Variants in POLR2E observed in about 807,000 individuals in gnomAD.
POLR2E encodes the protein DNA-directed RNA polymerases I, II, and III subunit RPABC1.
A neutral mutation model predicts 29.8 loss-of-function variants in POLR2E; 35 were observed. That is an observed-to-expected ratio of 1.17 (90% CI 0.90 to 1.55). POLR2E has a LOEUF of 1.55. Ranked by LOEUF, POLR2E falls within the 40% of genes most tolerant of loss-of-function variation. POLR2E has a pLI of 0.00. For synonymous variants in POLR2E, 174 were observed against 112.6 expected, an observed-to-expected ratio of 1.55 and a Z score of -3.45; for missense variants, 287 against 288.6, an observed-to-expected ratio of 0.99 and a Z score of 0.04.
chr19:1,093,231 C>G (rs1484267810), intron 2 of POLR2E, among the ~76,000 whole-genome samples: 1 of 152,226 alleles, frequency 6.6e-6, no homozygotes, highest in Non-Finnish European at 1.5e-5. Context: ...GCAGCGTCAC[C>G]AGGTCCGGTT....
At chr19:1,090,044 G>T in intron 5 of POLR2E, 43 bp downstream of exon 5, 1 of 1,573,488 alleles carries the variant, frequency 6.4e-7, no homozygotes, top group African/African-American at 1.4e-5. Flanking sequence ...CGGAAGTCTC[G>T]AGGGACAGGG....
chr19:1,090,917 C>G lies in POLR2E; in HGVS notation c.420G>C (p.Thr140=), dbSNP rs777211351. The G allele has an allele frequency of 1.9e-6, 3 of 1,612,992 alleles. No individual in the cohort carries two copies. The highest frequency in any genetic ancestry group is 1.3e-5 in the African/African-American group (1 of 74,940). Residue 140 remains threonine (T), a synonymous_variant, in exon 4 of 8, where the codon ACG becomes ACC. Transcript: ENST00000615234. Reference sequence around the variant, plus strand: ...CGCGGCGCGCGCCCACCTCGTGCTCCGTGATGTTGATGAGCAGCTCCTGCT... The same window carrying G: ...CGCGGCGCGCGCCCACCTCGTGCTCGGTGATGTTGATGAGCAGCTCCTGCT... ...FLQQELLINI[T]EHELVPEHVV...
intron 7 of POLR2E, 111 bp downstream of exon 7, chr19:1,089,361 G>A (rs2043778501): frequency 4.1e-6 from 3 of 723,966 alleles, no homozygotes; most frequent in East Asian, 2.8e-5. Context: ...CTGGGCTGGT[G>A]CTAGGAGGGT....
rs779277090 is a variant in POLR2E at position 1,089,591 on chromosome 19, G to A, written c.568-40C>T. ...AGCAGGGGCTGCGAATGCTTGAGGG[G>A]TCTCACTGCAGTCACCAGACAGCAG... On this transcript the variant is annotated intron_variant, in intron 6 of 7. Coordinates refer to ENST00000615234, the MANE Select transcript of POLR2E (RefSeq NM_002695.5). 8 of 1,549,798 alleles carry A rather than the reference G, an allele frequency of 5.2e-6. No homozygotes were observed. In the South Asian group the frequency reaches 6.7e-5, roughly 13 times the overall value.
At position 1,090,139 on chromosome 19, in the gene POLR2E, G is replaced by A. The variant is rs1445652128; in HGVS notation, c.436C>T (p.Pro146Ser). 2 of 1,612,488 alleles carry A rather than the reference G, an allele frequency of 1.2e-6. No homozygotes were observed. The highest frequency in any genetic ancestry group is 1.7e-6 in the Non-Finnish European group (2 of 1,179,944). Residue 146 changes from proline (P) to serine (S), a missense_variant, in exon 5 of 8, where the codon CCT (proline) becomes TCT (serine). Physicochemically the swap from Pro to Ser is moderately conservative, Grantham distance 74. Coordinates refer to ENST00000615234, the MANE Select transcript of POLR2E (RefSeq NM_002695.5). ...TCCTTGGTCATGACGACGTGCTCAG[G>A]GACTAGCTGCCGAGAGAGGAAGCCA... ...LINITEHELV[P>S]EHVVMTKEEV...
intron 6 of POLR2E, 92 bp downstream of exon 6, chr19:1,089,792 G>T: frequency 9.3e-7 from 1 of 1,072,452 alleles, no homozygotes; most frequent in Non-Finnish European, 1.4e-6. Context: ...CCTGGATCAA[G>T]GGGGAGGGGC....
chr19:1,092,039 G>A (rs1388451224), intron 2 of POLR2E, 132 bp from the exon 3 acceptor site: 7 of 649,406 alleles, frequency 1.1e-5, no homozygotes, highest in Admixed American at 4.8e-5. Flanking sequence ...CGGCTTCCGC[G>A]TTTGCAAAAC....
At chr19:1,089,297 G>A (rs140465452) in intron 7 of POLR2E, among the ~76,000 whole-genome samples, 175 bp downstream of exon 7, 2,414 of 152,256 alleles carry the variant, frequency 0.016, 25 homozygotes, top group Middle Eastern at 0.031. Flanking sequence ...TGCAGCCTAC[G>A]GTCGGGTGGG....
At chr19:1,091,979 C>T in intron 2 of POLR2E, 72 bp from the exon 3 acceptor site, 1 of 1,052,996 alleles carries the variant, frequency 9.5e-7, no homozygotes, top group Non-Finnish European at 1.5e-6. Flanking sequence ...GAGCCCAGAG[C>T]ACCCAGGTTC....
chr19:1,091,499 G>A (rs941745763), intron 3 of POLR2E: 1 of 461,300 alleles, frequency 2.2e-6, no homozygotes, highest in Non-Finnish European at 4.0e-6. Flanking sequence ...CCGGCTCCTG[G>A]AATCTGCACC....
chr19:1,091,925 G>A lies in POLR2E; in HGVS notation c.233-18C>T. 2 of 1,565,886 alleles carry A rather than the reference G, an allele frequency of 1.3e-6. No individual in the cohort carries two copies. Among genetic ancestry groups the A allele is most frequent in the Non-Finnish European group, 1.8e-6 (2 of 1,138,344 alleles). On this transcript the variant is annotated intron_variant, in intron 2 of 7. Coordinates refer to ENST00000615234, the MANE Select transcript of POLR2E (RefSeq NM_002695.5). ...GGGCTCCTCTGCAGACAGAGAGTGT[G>A]CTGGCCTGCACGAGCCTGGGCCCTC...
Position 1,089,865 on chromosome 19 carries a change from T to TG in POLR2E, c.567+18_567+19insC, listed in dbSNP as rs538776497. On this transcript the variant is annotated intron_variant, in intron 6 of 7. Coordinates refer to ENST00000615234, the MANE Select transcript of POLR2E (RefSeq NM_002695.5). ...CAGCTCAGAGCAGCCCCAGGGCCCC[T>TG]TCTCCCCACAGGGCTCACCTGCCCA... 1.3e-4 allele frequency: 216 copies of TG among 1,600,360 alleles called. No individual in the cohort carries two copies. The African/African-American group carries it at 2.6e-3, about 19-fold the overall frequency.
chr19:1,093,719 A>G, intron 2 of POLR2E, 185 bp downstream of exon 2: 2 of 1,382,398 alleles, frequency 1.4e-6, no homozygotes, highest in Non-Finnish European at 1.9e-6. Context: ...AAAGAAGCTG[A>G]GCATGAGAGG....
rs1169130527 is a variant in POLR2E, at chr19:1,088,040, G to A, written c.*695C>T. On this transcript the variant is annotated 3_prime_UTR_variant, in exon 8 of 8. Coordinates refer to ENST00000615234, the MANE Select transcript of POLR2E (RefSeq NM_002695.5). ...CCCAGGAGCACGAAGTGGGAGGGCA[G>A]GGCGAGGGCCTGGGGAGACACTGAC... 3 of 151,710 alleles carry A rather than the reference G, an allele frequency of 2.0e-5. No individual in the cohort carries two copies. The highest frequency in any genetic ancestry group is 6.6e-5 in the Admixed American group (1 of 15,248). 9.4% of individuals were successfully genotyped at this position (151,710 alleles called of 1,614,324 possible).
At chr19:1,091,165 T>G (rs2043820549) in intron 3 of POLR2E, among the ~76,000 whole-genome samples, 177 bp from the exon 4 acceptor site, 1 of 152,176 alleles carries the variant, frequency 6.6e-6, no homozygotes, top group Non-Finnish European at 1.5e-5. Context: ...CCCCAGCCTC[T>G]CTGCTCATCG....
chr19:1,094,228 C>A (rs184582114), intron 1 of POLR2E, 150 bp from the exon 2 acceptor site: 4 of 661,390 alleles, frequency 6.0e-6, no homozygotes, highest in African/African-American at 1.8e-5. Flanking sequence ...TGACAGCCAC[C>A]CCGGCCCCCA....
chr19:1,088,875 C>T (rs1293714522), intron 7 of POLR2E, among the ~76,000 whole-genome samples, 155 bp from the exon 8 acceptor site: 1 of 151,266 alleles, frequency 6.6e-6, no homozygotes, highest in East Asian at 1.9e-4. Flanking sequence ...GCCCAGCGGT[C>T]ACACAGGCGT....
intron 6 of POLR2E, 116 bp downstream of exon 6, chr19:1,089,765 CGAG>C: frequency 1.1e-6 from 1 of 871,826 alleles, no homozygotes; most frequent in South Asian, 1.6e-5. Flanking sequence ...GGTGTGGTCT[CGAG>C]GTCCCCTCCA....
chr19:1,089,998 C>T (rs2043793626), intron 5 of POLR2E, 36 bp from the exon 6 acceptor site: 6 of 1,540,276 alleles, frequency 3.9e-6, no homozygotes, highest in African/African-American at 3.1e-5. Context: ...CAGACAGGGC[C>T]GTTGGGGGGG....
Sources: allele counts gnomAD v4.1 joint callset (sites outside exome capture counted in the v4.1 genomes callset), GRCh38; gene constraint gnomAD v4.1.1; transcripts MANE v1.5; gene names NCBI Gene and HGNC (gene_info 2026-07-23, HGNC 2026-07-21).